Variants in EVI5 observed in about 807,000 individuals in gnomAD.
EVI5 encodes ecotropic viral integration site 5 protein homolog.
A neutral mutation model predicts 112.0 loss-of-function variants in EVI5; 73 were observed. The observed-to-expected ratio is 0.65, with a 90% confidence interval of 0.54 to 0.79. The LOEUF (loss-of-function observed/expected upper bound fraction) is 0.79. Ranked by LOEUF, EVI5 falls within the 30% of genes least tolerant of loss-of-function variation. The probability of loss-of-function intolerance (pLI) is 0.00; values close to 1 mark genes in which losing one functional copy is unlikely to be tolerated. For synonymous variants in EVI5, 305 were observed against 319.9 expected, an observed-to-expected ratio of 0.95 and a Z score of 0.50; for missense variants, 900 against 968.8, an observed-to-expected ratio of 0.93 and a Z score of 0.94.
intron 1 of EVI5, among the ~76,000 whole-genome samples, chr1:92,766,305 T>C (rs1040796849): frequency 1.3e-5 from 2 of 151,752 alleles, no homozygotes; most frequent in South Asian, 2.1e-4. Flanking sequence ...TGTTTCATTT[T>C]GTTTTTTTAA....
intron 13 of EVI5, among the ~76,000 whole-genome samples, chr1:92,638,501 G>A (rs976177930): frequency 6.6e-6 from 1 of 152,084 alleles, no homozygotes; most frequent in African/African-American, 2.4e-5. Flanking sequence ...AGGAAAAGAT[G>A]CTGCTGTGAA....
At chr1:92,679,094 G>A (rs981243707) in intron 9 of EVI5, among the ~76,000 whole-genome samples, 10 of 152,178 alleles carry the variant, frequency 6.6e-5, no homozygotes, top group Non-Finnish European at 1.0e-4. Context: ...CCTCCTGTCA[G>A]ATCAGTGGCA....
chr1:92,782,704 C>T (rs1394865983), intron 1 of EVI5, among the ~76,000 whole-genome samples: 1 of 152,182 alleles, frequency 6.6e-6, no homozygotes, highest in East Asian at 1.9e-4. Context: ...AGTTTTATCA[C>T]CCACGTACCT....
intron 1 of EVI5, among the ~76,000 whole-genome samples, chr1:92,761,985 T>A (rs1681945938): frequency 6.6e-6 from 1 of 152,044 alleles, no homozygotes; most frequent in African/African-American, 2.4e-5. Flanking sequence ...TTAAAACATA[T>A]CCAAAAAGAA....
intron 1 of EVI5, among the ~76,000 whole-genome samples, chr1:92,762,949 C>T (rs980912627): frequency 6.6e-6 from 1 of 152,048 alleles, no homozygotes; most frequent in South Asian, 2.1e-4. Context: ...GAAAACTGCA[C>T]TTGTACCCCT....
intron 16 of EVI5, among the ~76,000 whole-genome samples, chr1:92,610,764 C>T (rs1394934907): frequency 6.6e-6 from 1 of 151,764 alleles, no homozygotes; most frequent in East Asian, 1.9e-4. Flanking sequence ...CCAAAATATA[C>T]CTAATATGGG....
At chr1:92,706,019 T>C (rs1402396947) in intron 2 of EVI5, among the ~76,000 whole-genome samples, 1 of 152,150 alleles carries the variant, frequency 6.6e-6, no homozygotes, top group African/African-American at 2.4e-5. Context: ...ATTCCAGGTA[T>C]GTCATTTTCA....
intron 18 of EVI5, among the ~76,000 whole-genome samples, chr1:92,582,048 C>T (rs1221587449): frequency 2.6e-5 from 4 of 152,092 alleles, no homozygotes; most frequent in Non-Finnish European, 1.5e-5. Context: ...GTGTGAACAC[C>T]GTAGGGTGTA....
chr1:92,698,377 T>C (rs1233637773), intron 5 of EVI5, among the ~76,000 whole-genome samples: 1 of 152,106 alleles, frequency 6.6e-6, no homozygotes, highest in East Asian at 1.9e-4. Context: ...AACTAATATA[T>C]ATGTCAGATG....
chr1:92,758,789 T>C (rs1681360866), intron 1 of EVI5, among the ~76,000 whole-genome samples: 1 of 151,744 alleles, frequency 6.6e-6, no homozygotes, highest in South Asian at 2.1e-4. Flanking sequence ...TTTTTTCTAA[T>C]TATCTCCAAT....
At chr1:92,630,843 G>C (rs1283678712) in intron 14 of EVI5, among the ~76,000 whole-genome samples, 1 of 152,134 alleles carries the variant, frequency 6.6e-6, no homozygotes, top group African/African-American at 2.4e-5. Context: ...ATTAATTTTT[G>C]TATAAGGTGT....
chr1:92,630,478 G>C (rs905433560), intron 14 of EVI5, among the ~76,000 whole-genome samples: 1 of 152,168 alleles, frequency 6.6e-6, no homozygotes, highest in Admixed American at 6.5e-5. Context: ...TTTGAGAAGT[G>C]TCTGTTCATA....
Position 92,572,951 on chromosome 1 carries a change from T to C in EVI5, c.2071-9214A>G, listed in dbSNP as rs368954849. On this transcript the variant is annotated intron_variant, in intron 18 of 19. Coordinates refer to ENST00000684568, the MANE Select transcript of EVI5 (RefSeq NM_001350197.2). The stretch of plus-strand genomic sequence containing the variant: ...TTGCAAGTTGGAGCCCAAATCAAAC[T>C]TTTTCTGAAGCATATTCTACTTCTA... Among the ~76,000 whole-genome samples, 50 of 152,212 alleles carry C rather than the reference T, an allele frequency of 3.3e-4. No homozygotes were observed. The South Asian group carries it at 9.8e-3, about 30-fold the overall frequency.
At position 92,605,362 on chromosome 1, in the gene EVI5, T is replaced by A. The variant is rs200437375; in HGVS notation, c.2015A>T (p.Asp672Val). 4 of 1,613,606 alleles carry A rather than the reference T, an allele frequency of 2.5e-6. No homozygotes were observed. The highest frequency in any genetic ancestry group is 3.4e-6 in the Non-Finnish European group (4 of 1,179,676). ...TAGTTCAGCCACAGCAGCTATGCTA[T>A]CTGCTTCCCGAAGCCTCACAGCCAT... ...EVMAVRLREA[D>V]SIAAVAELRQ... Residue 672 changes from aspartate to valine, a missense_variant, in exon 18 of 20, where the codon GAT (aspartate) becomes GTT (valine). Physicochemically the swap from Asp to Val is radical, Grantham distance 152 (BLOSUM62 -3). Coordinates refer to ENST00000684568, the MANE Select transcript of EVI5 (RefSeq NM_001350197.2).
At chr1:92,779,995 G>A (rs1310319113) in intron 1 of EVI5, among the ~76,000 whole-genome samples, 2 of 152,268 alleles carry the variant, frequency 1.3e-5, no homozygotes, top group Admixed American at 6.5e-5. Context: ...GATACGATTT[G>A]GCTCTGTGTC....
chr1:92,729,837 T>G (rs77565428), intron 2 of EVI5, among the ~76,000 whole-genome samples: 2 of 152,250 alleles, frequency 1.3e-5, no homozygotes, highest in Non-Finnish European at 1.5e-5. Flanking sequence ...GAGCGCAGAC[T>G]GTATCACAAA....
chr1:92,729,781 T>C (rs10735783), intron 2 of EVI5, among the ~76,000 whole-genome samples: 136,980 of 152,174 alleles, frequency 0.9, 61,771 homozygotes, highest in East Asian at 0.97. Context: ...TATTTTAAAA[T>C]GTATTTTCCA....
At chr1:92,659,564 T>C (rs1000334857) in intron 13 of EVI5, among the ~76,000 whole-genome samples, 1 of 152,100 alleles carries the variant, frequency 6.6e-6, no homozygotes, top group Non-Finnish European at 1.5e-5. Context: ...CCAGTCAGAA[T>C]GGCTATTAAA....
intron 5 of EVI5, 50 bp downstream of exon 5, chr1:92,702,091 C>A: frequency 1.1e-6 from 1 of 932,396 alleles, no homozygotes; most frequent in South Asian, 1.5e-5. Context: ...ACTCTCCAAT[C>A]CAACTTAATA....
Sources: gnomAD v4.1 joint callset for allele counts (sites outside exome capture counted in the v4.1 genomes callset) on GRCh38, gnomAD v4.1.1 for gene constraint, MANE v1.5 for transcripts, NCBI Gene and HGNC (gene_info 2026-07-23, HGNC 2026-07-21) for gene names.